PSD3: variants seen among roughly 807,000 people sequenced by gnomAD.
PSD3 encodes PH and SEC7 domain-containing protein 3.
A neutral mutation model predicts 105.5 loss-of-function variants in PSD3; 49 were observed. The ratio of observed to expected loss-of-function variants is 0.46; its 90% confidence interval spans 0.37 to 0.59. The LOEUF is 0.59. PSD3 is among the 20% of genes least tolerant of loss of function. The pLI, the probability that PSD3 is intolerant of heterozygous loss-of-function variation, is 0.00. For missense variants in PSD3, 1,561 were observed against 1,263.8 expected (o/e 1.24, Z -3.57); for synonymous variants, 557 against 457.8 (o/e 1.22, Z -2.77).
chr8:18,716,431 AG>A (rs1802604876), intron 9 of PSD3, among the ~76,000 whole-genome samples: 1 of 152,142 alleles, frequency 6.6e-6, no homozygotes, highest in Admixed American at 6.5e-5. Context: ...ATTAATGAGG[AG>A]CCAATGAAAG....
intron 12 of PSD3, among the ~76,000 whole-genome samples, chr8:18,581,855 C>T (rs367945250): frequency 3.3e-5 from 5 of 152,110 alleles, no homozygotes; most frequent in Admixed American, 6.5e-5. Flanking sequence ...CGTGATACTC[C>T]GTGGATTTAC....
At chr8:18,987,043 G>A (rs1469240891) in intron 1 of PSD3, among the ~76,000 whole-genome samples, 1 of 152,074 alleles carries the variant, frequency 6.6e-6, no homozygotes, top group African/African-American at 2.4e-5. Flanking sequence ...GGCACAAATG[G>A]GTTAATGGTG....
chr8:18,590,956 A>C (rs1430277488), intron 12 of PSD3, among the ~76,000 whole-genome samples: 1 of 152,214 alleles, frequency 6.6e-6, no homozygotes, highest in Admixed American at 6.5e-5. Flanking sequence ...TTATACTATG[A>C]TTCCACATAG....
In PSD3 at chr8:18,799,323, A is replaced by T. The variant is rs758808486; in HGVS notation, c.2054T>A (p.Met685Lys). The T allele has an allele frequency of 6.2e-7, 1 of 1,609,202 alleles. No individual in the cohort carries two copies. The highest frequency in any genetic ancestry group is 1.1e-5 in the South Asian group (1 of 90,960). Residue 685 changes from methionine (M) to lysine (K), a missense_variant, in exon 8 of 16, where the codon ATG becomes AAG. By Grantham distance (95) the Met-to-Lys change is moderately conservative. Coordinates refer to ENST00000327040, the MANE Select transcript of PSD3 (RefSeq NM_015310.4). ...DGVHCLTCAI[M>K]LLNTDLHGHN... The stretch of plus-strand genomic sequence containing the variant: ...GCCATGTAGATCGGTATTAAGAAGC[A>T]TTATTGCACAGGTAAGGCAATGGAC...
intron 1 of PSD3, among the ~76,000 whole-genome samples, chr8:19,068,021 C>T (rs1166092712): frequency 3.9e-5 from 6 of 152,124 alleles, no homozygotes; most frequent in African/African-American, 1.2e-4. Context: ...TGATTTTCCA[C>T]AAGCCTGAAA....
At chr8:18,546,426 G>T (rs1232942564) in intron 15 of PSD3, among the ~76,000 whole-genome samples, 2 of 152,210 alleles carry the variant, frequency 1.3e-5, no homozygotes, top group Non-Finnish European at 2.9e-5. Context: ...TCCAACCCAA[G>T]GAGTCAGTGA....
chr8:18,674,722 T>C (rs905865303), intron 9 of PSD3, among the ~76,000 whole-genome samples: 1 of 152,024 alleles, frequency 6.6e-6, no homozygotes, highest in Admixed American at 6.6e-5. Context: ...AAGAAAGAAG[T>C]GTGGCCAGAT....
chr8:18,714,787 C>G (rs901535020), intron 9 of PSD3, among the ~76,000 whole-genome samples: 1 of 152,112 alleles, frequency 6.6e-6, no homozygotes, highest in Non-Finnish European at 1.5e-5. Context: ...TGGGTATATA[C>G]CCAAAGGAAT....
At chr8:18,779,579 C>T (rs1420171862) in intron 8 of PSD3, among the ~76,000 whole-genome samples, 5 of 152,030 alleles carry the variant, frequency 3.3e-5, no homozygotes, top group African/African-American at 1.2e-4. Context: ...GTATTTGTTG[C>T]TATTAAACAT....
chr8:18,802,495 A>C (rs2129447479), intron 6 of PSD3: 1 of 201,782 alleles, frequency 5.0e-6, no homozygotes, highest in East Asian at 1.0e-4. Flanking sequence ...TTAACAAACT[A>C]TATATTGACA....
At chr8:18,616,188 T>C (rs10106872) in intron 11 of PSD3, among the ~76,000 whole-genome samples, 47,345 of 152,024 alleles carry the variant, frequency 0.31, 7,593 homozygotes, top group Middle Eastern at 0.46. Context: ...GAGGTGATGC[T>C]GCTCCACGAT....
In PSD3 at chr8:18,616,446, T is replaced by A. The variant is rs565712388; in HGVS notation, c.2411-16012A>T. 2.6e-5 allele frequency among the ~76,000 whole-genome samples: 4 copies of A among 152,236 alleles called. No homozygotes were observed. The South Asian group carries it at 8.3e-4, about 32-fold the overall frequency. On this transcript the variant is annotated intron_variant, in intron 11 of 15. Coordinates refer to ENST00000327040, the MANE Select transcript of PSD3 (RefSeq NM_015310.4). ...TGGTGGCCAGGCATTCTCCGAGGCC[T>A]TCCCTCGTCTGGATCTAGGAAAGAT...
intron 9 of PSD3, among the ~76,000 whole-genome samples, chr8:18,749,769 A>G (rs1805320428): frequency 6.6e-6 from 1 of 152,172 alleles, no homozygotes; most frequent in Non-Finnish European, 1.5e-5. Context: ...GCTAGCTTTC[A>G]AAATGGAGGT....
intron 12 of PSD3, among the ~76,000 whole-genome samples, chr8:18,594,784 C>T (rs1328360999): frequency 6.6e-6 from 1 of 151,978 alleles, no homozygotes; most frequent in African/African-American, 2.4e-5. Context: ...CTCTAGATTA[C>T]TCATGATACC....
At chr8:18,709,610 T>C (rs1323457332) in intron 9 of PSD3, among the ~76,000 whole-genome samples, 1 of 152,152 alleles carries the variant, frequency 6.6e-6, no homozygotes, top group African/African-American at 2.4e-5. Context: ...CAGGTCAGTG[T>C]CCCTCTAGGA....
intron 1 of PSD3, among the ~76,000 whole-genome samples, chr8:19,047,267 T>G (rs1215880149): frequency 6.6e-6 from 1 of 152,216 alleles, no homozygotes; most frequent in African/African-American, 2.4e-5. Context: ...CTCTGTGCCC[T>G]GGGACAGCCT....
intron 9 of PSD3, among the ~76,000 whole-genome samples, chr8:18,738,561 T>C (rs1804325404): frequency 6.6e-6 from 1 of 152,144 alleles, no homozygotes; most frequent in Non-Finnish European, 1.5e-5. Context: ...ACCATACACA[T>C]CACATGTTAA....
At chr8:18,591,397 G>C (rs1479357632) in intron 12 of PSD3, among the ~76,000 whole-genome samples, 1 of 152,222 alleles carries the variant, frequency 6.6e-6, no homozygotes, top group Non-Finnish European at 1.5e-5. Flanking sequence ...ACAAAGGAAA[G>C]TGGTGGGTGG....
intron 11 of PSD3, among the ~76,000 whole-genome samples, chr8:18,618,502 ATTGCTGTATCTATCATATT>A (rs150642967): frequency 0.037 from 5,672 of 151,256 alleles, 318 homozygotes; most frequent in East Asian, 0.13. Flanking sequence ...ATGAAATTCT[ATTGCTGTATCTATCATATT>A]TTACTTATTA....
Sources: gnomAD v4.1 joint callset for allele counts (sites outside exome capture counted in the v4.1 genomes callset) on GRCh38, gnomAD v4.1.1 for gene constraint, MANE v1.5 for transcripts, NCBI Gene and HGNC (gene_info 2026-07-23, HGNC 2026-07-21) for gene names.